The following MLLT3 variants were observed in gnomAD, a reference collection of about 807,000 sequenced individuals.
MLLT3 encodes the protein MLLT3 super elongation complex subunit.
A neutral mutation model predicts 53.2 loss-of-function variants in MLLT3; 4 were observed. That is an observed-to-expected ratio of 0.08 (90% CI 0.04 to 0.17). The LOEUF (loss-of-function observed/expected upper bound fraction) is 0.17. MLLT3 is among the 10% of genes least tolerant of loss of function. MLLT3 has a pLI of 1.00. For missense variants in MLLT3, 569 were observed against 684.0 expected, an observed-to-expected ratio of 0.83 and a Z score of 1.87; for synonymous variants, 283 against 230.6, an observed-to-expected ratio of 1.23 and a Z score of -2.06.
At chr9:20,422,800 C>T (rs1823045008) in intron 4 of MLLT3, among the ~76,000 whole-genome samples, 1 of 152,096 alleles carries the variant, frequency 6.6e-6, no homozygotes, top group Non-Finnish European at 1.5e-5. Context: ...ATTAACTAAT[C>T]ACTTTAGGAA....
chr9:20,387,542 A>G (rs920039998), intron 5 of MLLT3, among the ~76,000 whole-genome samples: 1 of 152,214 alleles, frequency 6.6e-6, no homozygotes, highest in Non-Finnish European at 1.5e-5. Flanking sequence ...ACTCTGTCCT[A>G]TGGCAGCTAA....
At chr9:20,598,886 T>A (rs1820342438) in intron 2 of MLLT3, among the ~76,000 whole-genome samples, 1 of 152,204 alleles carries the variant, frequency 6.6e-6, no homozygotes, top group Admixed American at 6.5e-5. Flanking sequence ...CAAACCCTAT[T>A]CTGCTGCTTT....
intron 2 of MLLT3, among the ~76,000 whole-genome samples, chr9:20,560,808 A>G (rs908939693): frequency 6.6e-6 from 1 of 150,682 alleles, no homozygotes; most frequent in Non-Finnish European, 1.5e-5. Flanking sequence ...TATTTTACAT[A>G]TTTATGGGGT....
At chr9:20,480,956 G>A (rs1469724306) in intron 2 of MLLT3, among the ~76,000 whole-genome samples, 1 of 152,168 alleles carries the variant, frequency 6.6e-6, no homozygotes, top group African/African-American at 2.4e-5. Context: ...AAATTGTCAT[G>A]AGAACTATAA....
chr9:20,507,467 A>G (rs1825410414), intron 2 of MLLT3, among the ~76,000 whole-genome samples: 1 of 152,156 alleles, frequency 6.6e-6, no homozygotes, highest in Non-Finnish European at 1.5e-5. Flanking sequence ...GTATTCATAA[A>G]AAGGTCCTAG....
chr9:20,470,534 G>A (rs1824363276), intron 2 of MLLT3, among the ~76,000 whole-genome samples: 1 of 151,976 alleles, frequency 6.6e-6, no homozygotes, highest in East Asian at 1.9e-4. Flanking sequence ...TCAATGCCAT[G>A]CCCAGGAGTA....
intron 2 of MLLT3, among the ~76,000 whole-genome samples, chr9:20,487,153 C>T (rs1451065037): frequency 1.3e-5 from 2 of 151,976 alleles, no homozygotes; most frequent in Admixed American, 6.6e-5. Flanking sequence ...CTAAAGCTGC[C>T]GAATAAAAGT....
At chr9:20,597,404 G>A (rs1044527856) in intron 2 of MLLT3, among the ~76,000 whole-genome samples, 1 of 151,914 alleles carries the variant, frequency 6.6e-6, no homozygotes, top group Non-Finnish European at 1.5e-5. Context: ...GGAGCTAGAG[G>A]TCTTACTGCA....
chr9:20,498,705 T>C (rs1825145237), intron 2 of MLLT3, among the ~76,000 whole-genome samples: 1 of 152,192 alleles, frequency 6.6e-6, no homozygotes, highest in Admixed American at 6.5e-5. Flanking sequence ...ACAATTCTTC[T>C]TCCAATGTGG....
chr9:20,499,416 G>A (rs895852646), intron 2 of MLLT3, among the ~76,000 whole-genome samples: 6 of 152,066 alleles, frequency 3.9e-5, no homozygotes, highest in African/African-American at 1.2e-4. Flanking sequence ...TGAGGGGAGA[G>A]GGTACACAGG....
intron 4 of MLLT3, among the ~76,000 whole-genome samples, chr9:20,426,279 T>C (rs1823136917): frequency 6.6e-6 from 1 of 152,146 alleles, no homozygotes; most frequent in South Asian, 2.1e-4. Context: ...GGTTTTTGTA[T>C]ATTTAGCTTT....
chr9:20,456,557 T>C, intron 3 of MLLT3, 147 bp downstream of exon 3: 2 of 619,470 alleles, frequency 3.2e-6, no homozygotes, highest in Non-Finnish European at 5.6e-6. Context: ...TTAAGGGTAA[T>C]GATAGCCAAA....
intron 5 of MLLT3, among the ~76,000 whole-genome samples, chr9:20,403,636 T>C (rs763069287): frequency 1.9e-4 from 29 of 152,176 alleles, no homozygotes; most frequent in Non-Finnish European, 3.2e-4. Flanking sequence ...ACTAAGATCA[T>C]CAGATAACTT....
intron 2 of MLLT3, among the ~76,000 whole-genome samples, chr9:20,489,733 A>G (rs771681310): frequency 9.2e-5 from 14 of 152,222 alleles, no homozygotes; most frequent in Non-Finnish European, 2.1e-4. Context: ...CTGTGCTCCA[A>G]TGACAGTAAG....
At chr9:20,444,411 G>A (rs1823637694) in intron 4 of MLLT3, among the ~76,000 whole-genome samples, 1 of 152,044 alleles carries the variant, frequency 6.6e-6, no homozygotes. Context: ...ACTGCTCACT[G>A]CTCTCTTCCC....
In MLLT3 at chr9:20,371,086, C is replaced by G. The variant is rs117615677; in HGVS notation, c.1126-5342G>C. ...ACACTTCCTTAAACCAAAGCCTAAT[C>G]AAGAGCAAAGCCCTAATTCTCTTTA... On this transcript the variant is annotated intron_variant, in intron 5 of 10. Coordinates refer to ENST00000380338, the MANE Select transcript of MLLT3 (RefSeq NM_004529.4). Among the ~76,000 whole-genome samples, 56 of 152,322 alleles carry G rather than the reference C, an allele frequency of 3.7e-4. 1 individual carries two copies. The East Asian group carries it at 0.011, about 29-fold the overall frequency.
intron 6 of MLLT3, 146 bp downstream of exon 6, chr9:20,365,523 G>C (rs911608116): frequency 4.4e-6 from 4 of 901,428 alleles, no homozygotes; most frequent in Non-Finnish European, 5.1e-6. Flanking sequence ...ATTTTTAGTA[G>C]AGACGTTTAC....
Position 20,371,061 on chromosome 9 carries a change from A to G in MLLT3, c.1126-5317T>C, listed in dbSNP as rs188816486. Reference sequence around the variant, plus strand: ...TGGATATAAGATCACACCAGCCACAACACTTCCTTAAACCAAAGCCTAATC... The same window carrying G: ...TGGATATAAGATCACACCAGCCACAGCACTTCCTTAAACCAAAGCCTAATC... On this transcript the variant is annotated intron_variant, in intron 5 of 10. Transcript: ENST00000380338. 1.3e-3 allele frequency among the ~76,000 whole-genome samples: 201 copies of G among 152,366 alleles called. 2 individuals are homozygous for G. The highest frequency in any genetic ancestry group is 2.1e-3 in the Non-Finnish European group (145 of 68,034).
At chr9:20,511,793 C>T (rs1817755598) in intron 2 of MLLT3, among the ~76,000 whole-genome samples, 1 of 152,120 alleles carries the variant, frequency 6.6e-6, no homozygotes, top group Admixed American at 6.6e-5. Flanking sequence ...TCTGCCTCTC[C>T]TTCCTCTTCA....
Sources: gnomAD v4.1 joint callset for allele counts (sites outside exome capture counted in the v4.1 genomes callset) on GRCh38, gnomAD v4.1.1 for gene constraint, MANE v1.5 for transcripts, NCBI Gene and HGNC (gene_info 2026-07-23, HGNC 2026-07-21) for gene names.